Variants in DNM1 observed in about 807,000 individuals in gnomAD.
DNM1 encodes dynamin 1, also known as dynamin-1.
A neutral mutation model predicts 104.6 loss-of-function variants in DNM1; 29 were observed. The observed-to-expected ratio is 0.28, with a 90% confidence interval of 0.21 to 0.38. DNM1 has a LOEUF of 0.38. Ranked by LOEUF, DNM1 falls within the 10% of genes least tolerant of loss-of-function variation. DNM1 has a pLI of 1.00. For synonymous variants in DNM1, 445 were observed against 475.8 expected (o/e 0.94, Z 0.84); for missense variants, 640 against 1,189.4 (o/e 0.54, Z 6.79).
At chr9:128,251,258 T>G in intron 21 of DNM1, 1 of 531,270 alleles carries the variant, frequency 1.9e-6, no homozygotes, top group South Asian at 1.6e-5. Flanking sequence ...CACGTTGCAT[T>G]CCTCCTCCTT....
Position 128,219,072 on chromosome 9 carries a change from C to G in DNM1, c.409C>G (p.Leu137Val). Residue 137 changes from leucine to valine, a missense_variant, in exon 4 of 22, where the codon CTG becomes GTG. Coordinates refer to ENST00000372923, the MANE Select transcript of DNM1 (RefSeq NM_004408.4). Reference protein sequence around the residue: ...PHVLNLTLVDLPGMTKVPVGD... With the variant: ...PHVLNLTLVDVPGMTKVPVGD... ...AGTGCTGAACCTGACCCTGGTGGACCTGCCCGGAATGACCAAGGTCCCGGT... is the reference window on the plus strand; with the variant it reads ...AGTGCTGAACCTGACCCTGGTGGACGTGCCCGGAATGACCAAGGTCCCGGT... The G allele has an allele frequency of 6.2e-7, 1 of 1,614,100 alleles. No homozygotes were observed. Among genetic ancestry groups the G allele is most frequent in the Non-Finnish European group, 8.5e-7 (1 of 1,180,056 alleles).
rs766085648 is a variant in DNM1, at chr9:128,254,623, G to A, written c.2535-31G>A. Reference sequence around the variant, plus strand: ...AGCTCTCTCCTCGCTTTTCTCTCCCGTTTTCTCTCTGCTTTCTCTCCAACT... The same window carrying A: ...AGCTCTCTCCTCGCTTTTCTCTCCCATTTTCTCTCTGCTTTCTCTCCAACT... On this transcript the variant is annotated intron_variant, in intron 21 of 21. Transcript: ENST00000372923. This position sits in a 1 kb window ranked among gnomAD's most constrained non-coding sequence, Gnocchi z 6.1. The A allele has an allele frequency of 2.0e-5, 31 of 1,562,984 alleles. No homozygotes were observed. The highest frequency in any genetic ancestry group is 3.3e-5 in the South Asian group (3 of 90,558).
intron 1 of DNM1, among the ~76,000 whole-genome samples, chr9:128,212,535 G>C (rs1834363556): frequency 1.3e-5 from 2 of 152,178 alleles, no homozygotes; most frequent in Non-Finnish European, 2.9e-5. Context: ...ACAGAAAGAG[G>C]ATCCAGATGT....
At position 128,242,721 on chromosome 9, in the gene DNM1, T is replaced by C. The variant is rs1218702803; in HGVS notation, c.1671+376T>C. On this transcript the variant is annotated intron_variant, in intron 15 of 21. Coordinates refer to ENST00000372923, the MANE Select transcript of DNM1 (RefSeq NM_004408.4). ...GTTGCAGTGAGCCGAGATCGCACCA[T>C]TGCACTCCAGCCTGGGCAACAGAGT... Among the ~76,000 whole-genome samples, 7 of 151,976 alleles carry C rather than the reference T, an allele frequency of 4.6e-5. No homozygotes were observed. In the East Asian group the frequency reaches 5.8e-4, roughly 13 times the overall value.
intron 11 of DNM1, among the ~76,000 whole-genome samples, chr9:128,236,726 C>T (rs921718397): frequency 1.3e-5 from 2 of 152,164 alleles, no homozygotes; most frequent in Non-Finnish European, 2.9e-5. Flanking sequence ...GCGGCATGCA[C>T]CTGAATTCCT....
At chr9:128,229,203 G>A (rs996773359) in intron 10 of DNM1, among the ~76,000 whole-genome samples, 8 of 151,850 alleles carry the variant, frequency 5.3e-5, no homozygotes, top group Non-Finnish European at 8.8e-5. Context: ...ACCAGCCTGG[G>A]CAACATAGCA....
chr9:128,226,950 G>T (rs1588386013), intron 10 of DNM1, among the ~76,000 whole-genome samples: 1 of 151,884 alleles, frequency 6.6e-6, no homozygotes, highest in Admixed American at 6.6e-5. Flanking sequence ...CTATGCTGGT[G>T]GGTGGAGGCA....
intron 9 of DNM1, chr9:128,223,297 G>T (rs1383025506): frequency 1.2e-5 from 2 of 170,082 alleles, no homozygotes; most frequent in Non-Finnish European, 2.5e-5. Context: ...GTAGCCCAGA[G>T]TCAGTCCCAT....
chr9:128,251,190 C>T (rs918855157), intron 21 of DNM1: 2 of 671,104 alleles, frequency 3.0e-6, no homozygotes, highest in Admixed American at 2.1e-5. Context: ...CCACCTGCCC[C>T]CTTCTTTCCA....
intron 20 of DNM1, 68 bp from the exon 21 acceptor site, chr9:128,250,657 C>T: frequency 7.8e-7 from 1 of 1,288,198 alleles, no homozygotes; most frequent in South Asian, 1.7e-5. Flanking sequence ...TGGGCTGGGG[C>T]GGGGCCTCTG....
In DNM1 at chr9:128,203,497, C is replaced by G. The variant is rs1370018378; in HGVS notation, c.27C>G (p.Leu9=). 6.5e-7 allele frequency: 1 copy of G among 1,531,872 alleles called. No individual in the cohort carries two copies. The highest frequency in any genetic ancestry group is 2.0e-5 in the Admixed American group (1 of 49,290). The allele number at this position is 1,531,872 out of a possible 1,614,324, so 94.9% of individuals were successfully genotyped here. A position where few individuals can be genotyped will look rare whatever the true frequency, so the allele number is the denominator to read the frequency against. The change falls in exon 1 of 22, where the codon CTC becomes CTG. Residue 9 remains leucine, a synonymous_variant. Coordinates refer to ENST00000372923, the MANE Select transcript of DNM1 (RefSeq NM_004408.4). The surrounding 1 kb of genome is among the most constrained non-coding windows in gnomAD (Gnocchi z 5.3). ...TGGGCAACCGCGGCATGGAAGATCT[C>G]ATCCCGCTGGTCAACCGGCTGCAAG... MGNRGMED[L]IPLVNRLQDA... is the part of the protein sequence containing the mutation.
At chr9:128,207,716 ACATCCC>A (rs1451052510) in intron 1 of DNM1, among the ~76,000 whole-genome samples, 3 of 152,196 alleles carry the variant, frequency 2.0e-5, no homozygotes, top group Non-Finnish European at 2.9e-5. Context: ...TAATAATAGC[ACATCCC>A]TTGTGAGATT....
At chr9:128,251,741 C>G (rs567492743) in intron 21 of DNM1, 1 of 152,294 alleles carries the variant, frequency 6.6e-6, no homozygotes, top group Non-Finnish European at 1.5e-5. Context: ...CCAAAGATTT[C>G]TAGGGAAAAG....
At position 128,254,460 on chromosome 9, in the gene DNM1, C is replaced by T. The variant is rs571930291; in HGVS notation, c.2535-194C>T. ...CTATCTGTGAAGCTACGGCTCCTCC[C>T]TCCATCTTCCTCCCCTTTCCCTTCC... On this transcript the variant is annotated intron_variant, in intron 21 of 21. Coordinates refer to ENST00000372923, the MANE Select transcript of DNM1 (RefSeq NM_004408.4). This position sits in a 1 kb window ranked among gnomAD's most constrained non-coding sequence, Gnocchi z 6.1. 1,238 of 1,487,368 alleles carry T rather than the reference C, an allele frequency of 8.3e-4. 1 individual carries two copies. The highest frequency in any genetic ancestry group is 1.0e-3 in the Non-Finnish European group (1,129 of 1,127,152). 92.1% of individuals were successfully genotyped at this position (1,487,368 alleles called of 1,614,324 possible). A position where few individuals can be genotyped will look rare whatever the true frequency, so the allele number is the denominator to read the frequency against.
At chr9:128,242,715 G>A (rs369353020) in intron 15 of DNM1, among the ~76,000 whole-genome samples, 2 of 152,060 alleles carry the variant, frequency 1.3e-5, no homozygotes, top group Non-Finnish European at 2.9e-5. Context: ...AGCCGAGATC[G>A]CACCATTGCA....
At position 128,254,763 on chromosome 9, in the gene DNM1, C is replaced by T. The variant is rs367963971; in HGVS notation, c.*49C>T. The stretch of plus-strand genomic sequence containing the variant: ...ACCTCCCTTTCCAAGCCTGCCTGGA[C>T]GGCTGTTCTGTGACTTGACAGTGGC... On this transcript the variant is annotated 3_prime_UTR_variant, in exon 22 of 22. Coordinates refer to ENST00000372923, the MANE Select transcript of DNM1 (RefSeq NM_004408.4). The surrounding 1 kb of genome is among the most constrained non-coding windows in gnomAD (Gnocchi z 6.1). 54 of 1,527,400 alleles carry T rather than the reference C, an allele frequency of 3.5e-5. No individual in the cohort carries two copies. In the East Asian group the frequency reaches 4.5e-4, roughly 13 times the overall value. 94.6% of individuals were successfully genotyped at this position (1,527,400 alleles called of 1,614,324 possible).
chr9:128,229,941 C>T (rs1187624614), intron 10 of DNM1, among the ~76,000 whole-genome samples: 1 of 146,128 alleles, frequency 6.8e-6, no homozygotes, highest in Non-Finnish European at 1.5e-5. Context: ...GGTGGGTGGC[C>T]AGGCGTGGTG....
In DNM1 at chr9:128,243,738, C is replaced by T. The variant is rs1239462683; in HGVS notation, c.1671+1393C>T. On this transcript the variant is annotated intron_variant, in intron 15 of 21. Transcript: ENST00000372923. The surrounding 1 kb of genome is among the most constrained non-coding windows in gnomAD (Gnocchi z 4.0). ...GCCAGGGAGACCATGTGACCTGGGG[C>T]TGAGGGCCGGAGACCGGGTGACACT... Among the ~76,000 whole-genome samples the T allele has an allele frequency of 6.6e-6, 1 of 152,060 alleles. No individual in the cohort carries two copies. Among genetic ancestry groups the T allele is most frequent in the Non-Finnish European group, 1.5e-5 (1 of 68,008 alleles).
In DNM1 at chr9:128,245,218, G is replaced by A. The variant is rs1330072896; in HGVS notation, c.1672-1176G>A. Reference sequence around the variant, plus strand: ...CGCCCTCTGGGGCTCCCGGCCACCCGCCTGGCATAAAGAGGGCTTTATGTG... The same window carrying A: ...CGCCCTCTGGGGCTCCCGGCCACCCACCTGGCATAAAGAGGGCTTTATGTG... On this transcript the variant is annotated intron_variant, in intron 15 of 21. Coordinates refer to ENST00000372923, the MANE Select transcript of DNM1 (RefSeq NM_004408.4). The surrounding 1 kb of genome is among the most constrained non-coding windows in gnomAD (Gnocchi z 5.2). Among the ~76,000 whole-genome samples the A allele has an allele frequency of 6.6e-6, 1 of 151,978 alleles. No individual in the cohort carries two copies. The highest frequency in any genetic ancestry group is 1.5e-5 in the Non-Finnish European group (1 of 67,966).
Sources: allele counts gnomAD v4.1 joint callset (sites outside exome capture counted in the v4.1 genomes callset), GRCh38; gene constraint gnomAD v4.1.1; non-coding constraint Gnocchi (gnomAD v3.1); transcripts MANE v1.5; gene names NCBI Gene and HGNC (gene_info 2026-07-23, HGNC 2026-07-21).